SSBP2: variants seen among roughly 807,000 people sequenced by gnomAD.
SSBP2 encodes the protein single stranded DNA binding protein 2.
SSBP2 carries 17 observed loss-of-function variants against 61.8 expected under a neutral mutation model. That is an observed-to-expected ratio of 0.28 (90% CI 0.19 to 0.41). The LOEUF is 0.41. SSBP2 is among the 10% of genes least tolerant of loss of function. The pLI is 1.00. For synonymous variants in SSBP2, 139 were observed against 141.3 expected (o/e 0.98, Z 0.12); for missense variants, 310 against 458.7 (o/e 0.68, Z 2.96).
chr5:81,667,135 G>A (rs1581293489), intron 1 of SSBP2, among the ~76,000 whole-genome samples: 1 of 152,300 alleles, frequency 6.6e-6, no homozygotes, highest in Middle Eastern at 3.4e-3. Flanking sequence ...CATCATCCTA[G>A]CTTTTTGCCT....
At chr5:81,529,429 C>T (rs974425556) in intron 4 of SSBP2, among the ~76,000 whole-genome samples, 1 of 152,138 alleles carries the variant, frequency 6.6e-6, no homozygotes, top group African/African-American at 2.4e-5. Context: ...GCCACCTATC[C>T]TCCACACACT....
At chr5:81,737,910 G>A (rs1756733716) in intron 1 of SSBP2, among the ~76,000 whole-genome samples, 2 of 151,940 alleles carry the variant, frequency 1.3e-5, no homozygotes, top group South Asian at 4.2e-4. Context: ...GCTAATGTCA[G>A]TCCTTTATGC....
intron 1 of SSBP2, among the ~76,000 whole-genome samples, chr5:81,736,943 T>C (rs1756664142): frequency 6.6e-6 from 1 of 152,226 alleles, no homozygotes; most frequent in South Asian, 2.1e-4. Flanking sequence ...GGTACCACAG[T>C]TATTTTCTAG....
At chr5:81,486,258 C>T (rs1336779644) in intron 6 of SSBP2, among the ~76,000 whole-genome samples, 1 of 152,058 alleles carries the variant, frequency 6.6e-6, no homozygotes, top group Admixed American at 6.6e-5. Flanking sequence ...ACATTAAATA[C>T]CTGTTCGTAA....
At chr5:81,499,568 AT>A (rs534664100) in intron 5 of SSBP2, among the ~76,000 whole-genome samples, 48 of 152,322 alleles carry the variant, frequency 3.2e-4, no homozygotes, top group African/African-American at 9.9e-4. Context: ...ATTCAGAAAA[AT>A]TCGGTGTGAG....
intron 16 of SSBP2, among the ~76,000 whole-genome samples, chr5:81,426,683 A>C (rs1761972396): frequency 6.6e-6 from 1 of 152,226 alleles, no homozygotes; most frequent in Admixed American, 6.5e-5. Flanking sequence ...GAAGTTCTCC[A>C]CATCCTGGCA....
At chr5:81,623,699 T>C (rs566555061) in intron 3 of SSBP2, among the ~76,000 whole-genome samples, 2 of 152,282 alleles carry the variant, frequency 1.3e-5, no homozygotes, top group South Asian at 2.1e-4. Flanking sequence ...TATTGATTTA[T>C]TGTTGGCGTA....
chr5:81,648,793 C>G (rs1401930501), intron 2 of SSBP2, among the ~76,000 whole-genome samples: 2 of 151,752 alleles, frequency 1.3e-5, no homozygotes, highest in Non-Finnish European at 2.9e-5. Context: ...TAATTTAAAA[C>G]TTCTAATAGC....
In SSBP2 at chr5:81,644,532, A is replaced by G. The variant is rs114830728; in HGVS notation, c.135+5735T>C. Among the ~76,000 whole-genome samples, 146 of 152,274 alleles carry G rather than the reference A, an allele frequency of 9.6e-4. 1 individual carries two copies. The highest frequency in any genetic ancestry group is 3.2e-3 in the African/African-American group (134 of 41,568). The stretch of plus-strand genomic sequence containing the variant: ...GTGAAAAATTCCCTGTAGCAAGGAG[A>G]CCACAGAATTTAAGGTAGCTTATGT... On this transcript the variant is annotated intron_variant, in intron 2 of 16. Transcript: ENST00000320672.
At position 81,681,726 on chromosome 5, in the gene SSBP2, G is replaced by A. The variant is rs571681332; in HGVS notation, c.63-31387C>T. Among the ~76,000 whole-genome samples, 61 of 152,106 alleles carry A rather than the reference G, an allele frequency of 4.0e-4. No individual in the cohort carries two copies. In the South Asian group the frequency reaches 6.6e-3, roughly 17 times the overall value. ...TAAGCCAGAGGAAAAAATCTGAGCA[G>A]AAATCAATGAAATTGATGAAAAGGA... On this transcript the variant is annotated intron_variant, in intron 1 of 16. Transcript: ENST00000320672.
chr5:81,684,855 A>T (rs1361491411), intron 1 of SSBP2, among the ~76,000 whole-genome samples: 3 of 152,104 alleles, frequency 2.0e-5, no homozygotes, highest in Non-Finnish European at 2.9e-5. Flanking sequence ...ATTATTGAGA[A>T]GGGATAATTG....
intron 4 of SSBP2, among the ~76,000 whole-genome samples, chr5:81,547,034 G>A (rs1344503140): frequency 5.8e-5 from 1 of 17,230 alleles, no homozygotes; most frequent in African/African-American, 2.2e-3. Flanking sequence ...GCAAATCTTG[G>A]CCAAAAAAAA....
chr5:81,594,113 C>T (rs1743436877), intron 4 of SSBP2, among the ~76,000 whole-genome samples: 2 of 152,128 alleles, frequency 1.3e-5, no homozygotes, highest in Admixed American at 1.3e-4. Context: ...CGTGAAGAGA[C>T]ACACACTGGC....
chr5:81,459,785 T>C (rs972543414), intron 10 of SSBP2, among the ~76,000 whole-genome samples: 7 of 152,228 alleles, frequency 4.6e-5, no homozygotes, highest in Non-Finnish European at 7.3e-5. Context: ...AAGAAGCTAA[T>C]AGATCATAAG....
intron 6 of SSBP2, among the ~76,000 whole-genome samples, chr5:81,483,754 C>CAT (rs145096856): frequency 0.018 from 2,648 of 150,778 alleles, 42 homozygotes; most frequent in South Asian, 0.096. Flanking sequence ...CACCATTTGA[C>CAT]ATATATATAT....
chr5:81,543,142 A>C (rs1771435109), intron 4 of SSBP2, among the ~76,000 whole-genome samples: 1 of 152,130 alleles, frequency 6.6e-6, no homozygotes, highest in Admixed American at 6.5e-5. Flanking sequence ...GGCGTGAGCC[A>C]CCCTGCCCGG....
intron 1 of SSBP2, among the ~76,000 whole-genome samples, chr5:81,745,327 A>G (rs1434142687): frequency 6.6e-6 from 1 of 152,156 alleles, no homozygotes; most frequent in African/African-American, 2.4e-5. Flanking sequence ...TCACAGTCCA[A>G]GTTATGCTAG....
At chr5:81,463,021 CATTAA>C (rs1290055323) in intron 9 of SSBP2, among the ~76,000 whole-genome samples, 4 of 151,720 alleles carry the variant, frequency 2.6e-5, no homozygotes, top group Non-Finnish European at 2.9e-5. Context: ...AATTTAATTG[CATTAA>C]ATTAAATGTT....
chr5:81,540,428 C>G (rs1432880428), intron 4 of SSBP2, among the ~76,000 whole-genome samples: 1 of 152,134 alleles, frequency 6.6e-6, no homozygotes, highest in African/African-American at 2.4e-5. Context: ...TTTTAGCAAT[C>G]GCCATTCTAA....
Sources: gnomAD v4.1 joint callset for allele counts (sites outside exome capture counted in the v4.1 genomes callset) on GRCh38, gnomAD v4.1.1 for gene constraint, MANE v1.5 for transcripts, NCBI Gene and HGNC (gene_info 2026-07-23, HGNC 2026-07-21) for gene names.